The following RARB variants were observed in gnomAD, a reference collection of about 807,000 sequenced individuals.
RARB encodes HBV-activated protein.
In RARB, 17 loss-of-function variants were observed where a neutral mutation model predicts 51.9. That is an observed-to-expected ratio of 0.33 (90% CI 0.22 to 0.49). RARB has a LOEUF of 0.49. Ranked by LOEUF, RARB falls within the 20% of genes least tolerant of loss-of-function variation. The pLI is 0.99. For missense variants in RARB, 369 were observed against 550.8 expected, an observed-to-expected ratio of 0.67 and a Z score of 3.30; for synonymous variants, 215 against 195.4, an observed-to-expected ratio of 1.10 and a Z score of -0.84.
chr3:25,265,043 G>A (rs1332526952), intron 5 of RARB, among the ~76,000 whole-genome samples: 1 of 152,236 alleles, frequency 6.6e-6, no homozygotes, highest in African/African-American at 2.4e-5. Context: ...CAGGAAATGC[G>A]CCCTTCTCAG....
intron 2 of RARB, among the ~76,000 whole-genome samples, chr3:24,878,756 G>A (rs773205960): frequency 2.9e-4 from 44 of 152,054 alleles, no homozygotes; most frequent in Non-Finnish European, 5.7e-4. Context: ...CACTCCTGTC[G>A]GGTGATCTGC....
At chr3:25,427,014 C>A (rs1382468724), upstream of RARB, among the ~76,000 whole-genome samples, 4 of 152,178 alleles carry the variant, frequency 2.6e-5, no homozygotes, top group Non-Finnish European at 5.9e-5. Flanking sequence ...ACTGGTCCTT[C>A]AAAATGTAAA....
At chr3:25,100,211 G>A (rs1218957008) in intron 3 of RARB, among the ~76,000 whole-genome samples, 2 of 152,028 alleles carry the variant, frequency 1.3e-5, no homozygotes, top group South Asian at 4.1e-4. Context: ...ACAGCCTGGG[G>A]GATGTGAAAT....
chr3:25,502,621 A>G (rs1697373196), intron 3 of RARB, among the ~76,000 whole-genome samples: 2 of 152,158 alleles, frequency 1.3e-5, no homozygotes, highest in Non-Finnish European at 2.9e-5. Flanking sequence ...ATTAAAGCCA[A>G]TCAGTGTATT....
At chr3:24,916,729 C>G (rs1274509514) in intron 2 of RARB, among the ~76,000 whole-genome samples, 1 of 130,256 alleles carries the variant, frequency 7.7e-6, no homozygotes, top group Non-Finnish European at 1.5e-5. Flanking sequence ...TACATCTATT[C>G]TATGGCATTG....
At chr3:24,998,489 C>A (rs1221862355) in intron 2 of RARB, among the ~76,000 whole-genome samples, 1 of 150,800 alleles carries the variant, frequency 6.6e-6, no homozygotes, top group African/African-American at 2.4e-5. Flanking sequence ...TTCCTTGCTG[C>A]CTTAAAAAAA....
At chr3:25,458,160 A>G (rs1235098454) in intron 1 of RARB, 1 of 152,218 alleles carries the variant, frequency 6.6e-6, no homozygotes, top group African/African-American at 2.4e-5. Context: ...AATGTATTTG[A>G]AGGAAATAAA....
chr3:24,902,019 T>C (rs1186222695), intron 2 of RARB, among the ~76,000 whole-genome samples: 1 of 151,288 alleles, frequency 6.6e-6, no homozygotes, highest in Non-Finnish European at 1.5e-5. Context: ...ATAACATACA[T>C]ATATAACATA....
At chr3:25,547,843 T>C (rs1256208996) in intron 3 of RARB, among the ~76,000 whole-genome samples, 2 of 152,190 alleles carry the variant, frequency 1.3e-5, no homozygotes, top group Non-Finnish European at 2.9e-5. Flanking sequence ...ATTGTATCCT[T>C]TTTTTTCTCT....
intron 2 of RARB, among the ~76,000 whole-genome samples, chr3:24,925,868 A>AT (rs1426721741): frequency 2.0e-5 from 3 of 151,772 alleles, no homozygotes; most frequent in East Asian, 3.9e-4. Flanking sequence ...CAACCTTCCC[A>AT]TTTGTGGGCT....
chr3:25,175,148 T>C (rs571140026), intron 5 of RARB, among the ~76,000 whole-genome samples: 2 of 152,330 alleles, frequency 1.3e-5, no homozygotes, highest in South Asian at 4.1e-4. Context: ...ATTTTCTGTA[T>C]AAGGTACTAT....
At chr3:24,853,019 T>C (rs1702580990) in intron 1 of RARB, among the ~76,000 whole-genome samples, 1 of 152,014 alleles carries the variant, frequency 6.6e-6, no homozygotes, top group Admixed American at 6.6e-5. Flanking sequence ...ATGCTGCTTT[T>C]AAAATAACGA....
chr3:25,064,736 T>G (rs150939655), intron 3 of RARB, among the ~76,000 whole-genome samples: 1 of 152,304 alleles, frequency 6.6e-6, no homozygotes, highest in East Asian at 1.9e-4. Context: ...GACAGAGCTC[T>G]GTGTCTCTCT....
At chr3:24,979,657 C>T (rs1255166168) in intron 2 of RARB, among the ~76,000 whole-genome samples, 1 of 151,804 alleles carries the variant, frequency 6.6e-6, no homozygotes, top group African/African-American at 2.4e-5. Context: ...TATTTTGAGC[C>T]TATGTGTGTC....
chr3:25,223,258 T>C (rs1701985140), intron 5 of RARB, among the ~76,000 whole-genome samples: 1 of 152,246 alleles, frequency 6.6e-6, no homozygotes, highest in Non-Finnish European at 1.5e-5. Context: ...ATTATACTTG[T>C]AGTCTTTTGA....
chr3:25,424,413 G>A (rs200480641), upstream of RARB, among the ~76,000 whole-genome samples: 4 of 152,186 alleles, frequency 2.6e-5, 1 homozygote, highest in East Asian at 7.7e-4. Flanking sequence ...TAGTATGGAA[G>A]CCCTGGGAAG....
At chr3:25,438,560 A>G (rs535223427) in intron 1 of RARB, among the ~76,000 whole-genome samples, 1 of 152,286 alleles carries the variant, frequency 6.6e-6, no homozygotes, top group Non-Finnish European at 1.5e-5. Context: ...CCTATAAGTG[A>G]GATGTCATCT....
chr3:25,442,116 T>TTTATTTATTTATTTA (rs1708716610), intron 1 of RARB, among the ~76,000 whole-genome samples: 6 of 147,744 alleles, frequency 4.1e-5, no homozygotes, highest in Non-Finnish European at 8.9e-5. Flanking sequence ...TTTATTTTAT[T>TTTATTTATTTATTTA]TTTATTTATT....
chr3:25,315,764 C>T (rs1177506358), intron 5 of RARB, among the ~76,000 whole-genome samples: 1 of 150,056 alleles, frequency 6.7e-6, no homozygotes, highest in Non-Finnish European at 1.5e-5. Flanking sequence ...CAGGCATGCA[C>T]CACCACACTC....
Sources: gnomAD v4.1 joint callset for allele counts (sites outside exome capture counted in the v4.1 genomes callset) on GRCh38, gnomAD v4.1.1 for gene constraint, MANE v1.5 for transcripts, NCBI Gene and HGNC (gene_info 2026-07-23, HGNC 2026-07-21) for gene names.